Variants in ADGRE2 observed in about 807,000 individuals in gnomAD.
ADGRE2 encodes the protein CD97 antigen.
A neutral mutation model predicts 100.8 loss-of-function variants in ADGRE2; 83 were observed. That is an observed-to-expected ratio of 0.82 (90% CI 0.69 to 0.99). The LOEUF is 0.99. Among genes scored for constraint, ADGRE2 ranks in the 50% least tolerant of loss-of-function variants. ADGRE2 has a pLI of 0.00. For missense variants in ADGRE2, 814 were observed against 1,035.7 expected (o/e 0.79, Z 2.94); for synonymous variants, 355 against 413.0 (o/e 0.86, Z 1.70).
At chr19:14,750,263 A>T (rs2043243107) in intron 16 of ADGRE2, among the ~76,000 whole-genome samples, 1 of 148,192 alleles carries the variant, frequency 6.7e-6, no homozygotes, top group Non-Finnish European at 1.5e-5. Context: ...ATCTAATATA[A>T]TTATATAATT....
chr19:14,771,038 T>A (rs1409798390), intron 5 of ADGRE2, among the ~76,000 whole-genome samples: 1 of 152,152 alleles, frequency 6.6e-6, no homozygotes, highest in African/African-American at 2.4e-5. Flanking sequence ...GATATGTGCA[T>A]GCAATGTAGC....
At chr19:14,737,800 AG>A (rs1208437470) in intron 20 of ADGRE2, among the ~76,000 whole-genome samples, 1 of 152,004 alleles carries the variant, frequency 6.6e-6, no homozygotes, top group Non-Finnish European at 1.5e-5. Flanking sequence ...TGTCTCTACT[AG>A]AATACAGTAG....
chr19:14,741,862 A>C (rs1452941511), intron 20 of ADGRE2: 1 of 395,162 alleles, frequency 2.5e-6, no homozygotes, highest in African/African-American at 2.1e-5. Context: ...TTACACATAT[A>C]ATCTGGAGAA....
chr19:14,773,693 G>A (rs573957252), intron 4 of ADGRE2, among the ~76,000 whole-genome samples: 1 of 151,496 alleles, frequency 6.6e-6, no homozygotes, highest in Non-Finnish European at 1.5e-5. Flanking sequence ...TGTATTTTTT[G>A]TAGAGACAGG....
At chr19:14,731,298 T>C (rs1248924081), downstream of ADGRE2, 56 of 1,093,730 alleles carry the variant, frequency 5.1e-5, no homozygotes, top group Non-Finnish European at 7.5e-5. Context: ...ATCTGCAGAT[T>C]CTGAAGCTTG....
intron 20 of ADGRE2, among the ~76,000 whole-genome samples, chr19:14,741,091 G>GT (rs71333309): frequency 0.067 from 7,810 of 116,544 alleles, 377 homozygotes; most frequent in Admixed American, 0.12. Flanking sequence ...TGAATAGGCT[G>GT]TTTTTTTTTT....
intron 4 of ADGRE2, among the ~76,000 whole-genome samples, chr19:14,773,407 CTTTT>C (rs368475089): frequency 9.0e-6 from 1 of 111,552 alleles, no homozygotes; most frequent in African/African-American, 3.2e-5. Flanking sequence ...CTCTTTCTGT[CTTTT>C]TTTTTTTTTT....
At chr19:14,764,737 G>T in intron 10 of ADGRE2, 127 bp from the exon 11 acceptor site, 2 of 1,023,654 alleles carry the variant, frequency 2.0e-6, no homozygotes. Flanking sequence ...TGGCATTGGC[G>T]GCTGGGCGCG....
chr19:14,738,969 C>CTTT (rs68029679), intron 20 of ADGRE2, among the ~76,000 whole-genome samples: 52 of 104,880 alleles, frequency 5.0e-4, no homozygotes, highest in African/African-American at 6.8e-4. Flanking sequence ...CTTTTCTTTT[C>CTTT]TTTTTTTTTT....
chr19:14,745,901 T>A (rs1291354735), intron 18 of ADGRE2, among the ~76,000 whole-genome samples: 1 of 152,214 alleles, frequency 6.6e-6, no homozygotes, highest in Non-Finnish European at 1.5e-5. Flanking sequence ...TCCAGTTTCA[T>A]CCATGTTGCT....
chr19:14,778,400 C>A lies in ADGRE2; in HGVS notation c.-315G>T, dbSNP rs915915256. 52 of 632,760 alleles carry A rather than the reference C, an allele frequency of 8.2e-5. No homozygotes were observed. Among genetic ancestry groups the A allele is most frequent in the Admixed American group, 1.3e-4 (2 of 15,822 alleles). The allele number at this position is 632,760 out of a possible 1,614,324, so 39.2% of individuals were successfully genotyped here. A position where few individuals can be genotyped will look rare whatever the true frequency, so the allele number is the denominator to read the frequency against. On this transcript the variant is annotated 5_prime_UTR_variant, in exon 1 of 21. Transcript: ENST00000315576. The stretch of plus-strand genomic sequence containing the variant: ...CTCCAGCTTGGGTGATAGAGTGAGA[C>A]CCTGTGTCAAAAACAAAAAGAAAGA...
chr19:14,753,966 TG>T (rs1317027420), intron 14 of ADGRE2, among the ~76,000 whole-genome samples: 1 of 152,104 alleles, frequency 6.6e-6, no homozygotes, highest in African/African-American at 2.4e-5. Flanking sequence ...TCTATCAGGG[TG>T]TTGCCAAAGG....
intron 20 of ADGRE2, among the ~76,000 whole-genome samples, chr19:14,740,983 C>T (rs1416371162): frequency 5.3e-5 from 8 of 151,916 alleles, no homozygotes; most frequent in East Asian, 1.9e-4. Flanking sequence ...GCGATCCTCT[C>T]GCCTCCCAAG....
chr19:14,767,249 T>A, intron 5 of ADGRE2, 140 bp from the exon 6 acceptor site: 2 of 1,466,540 alleles, frequency 1.4e-6, no homozygotes, highest in East Asian at 2.4e-5. Context: ...TTTCTTTTTT[T>A]TTTTTTTGAG....
Position 14,773,935 on chromosome 19 carries a change from T to C in ADGRE2, c.199+3A>G. On this transcript the variant is annotated splice_donor_region_variant and intron_variant, in intron 4 of 20. Transcript: ENST00000315576. ...CCCCTGCGCTGCCCTCAAGCCTCTG[T>C]ACCGTCACAAGTCTCCATGGGGGTG... is the stretch of plus-strand genomic sequence containing the variant. The C allele has an allele frequency of 6.2e-7, 1 of 1,613,954 alleles. No homozygotes were observed. Among genetic ancestry groups the C allele is most frequent in the Non-Finnish European group, 8.5e-7 (1 of 1,179,818 alleles).
rs745313331 is a variant in ADGRE2 at position 14,774,063 on chromosome 19, G to A, written c.83-9C>T. 12 of 1,612,504 alleles carry A rather than the reference G, an allele frequency of 7.4e-6. No homozygotes were observed. The African/African-American group carries it at 1.3e-4, about 18-fold the overall frequency. On this transcript the variant is annotated splice_polypyrimidine_tract_variant and intron_variant, in intron 3 of 20. Coordinates refer to ENST00000315576, the MANE Select transcript of ADGRE2 (RefSeq NM_013447.4). ...GCACCACCGGGCACAGCCTGCAAGA[G>A]CAGGGAGCACGGTCAGAAGGTGAGG...
intron 14 of ADGRE2, 150 bp downstream of exon 14, chr19:14,754,804 A>G: frequency 2.5e-6 from 2 of 804,358 alleles, no homozygotes; most frequent in Non-Finnish European, 3.8e-6. Flanking sequence ...CAGTCTTGTA[A>G]GACCCTGAGC....
chr19:14,740,503 C>T (rs1474516018), intron 20 of ADGRE2, among the ~76,000 whole-genome samples: 2 of 151,688 alleles, frequency 1.3e-5, no homozygotes, highest in Non-Finnish European at 2.9e-5. Context: ...TGCCTGTAAT[C>T]CCAGCTACTT....
the ADGRE2 span, among the ~76,000 whole-genome samples, chr19:14,726,957 G>A: frequency 0.025 from 3,736 of 149,646 alleles, 150 homozygotes; most frequent in African/African-American, 0.088. Context: ...GAAATTTTCT[G>A]TATTAGCCTG....
Sources: gnomAD v4.1 joint callset for allele counts (sites outside exome capture counted in the v4.1 genomes callset) on GRCh38, gnomAD v4.1.1 for gene constraint, MANE v1.5 for transcripts, NCBI Gene and HGNC (gene_info 2026-07-23, HGNC 2026-07-21) for gene names.